KDM3B: variants seen among roughly 807,000 people sequenced by gnomAD.
KDM3B encodes the protein lysine-specific demethylase 3B.
KDM3B carries 10 observed loss-of-function variants against 170.0 expected under a neutral mutation model. The observed-to-expected ratio is 0.06, with a 90% CI of 0.04 to 0.10. The LOEUF (loss-of-function observed/expected upper bound fraction) is 0.10. Ranked by LOEUF, KDM3B falls within the 10% of genes least tolerant of loss-of-function variation. The pLI is 1.00. For missense variants in KDM3B, 1,394 were observed against 2,195.2 expected (o/e 0.64, Z 7.29); for synonymous variants, 831 against 834.8 (o/e 1.00, Z 0.08).
intron 17 of KDM3B, 107 bp from the exon 18 acceptor site, chr5:138,426,862 CAAAAAA>C (rs60899302): frequency 1.5e-4 from 81 of 553,286 alleles, no homozygotes; most frequent in East Asian, 2.4e-4. Flanking sequence ...GACTCTGTCT[CAAAAAA>C]AAAAAAAAAA....
At chr5:138,421,787 T>C (rs543277209) in intron 15 of KDM3B, among the ~76,000 whole-genome samples, 1 of 152,332 alleles carries the variant, frequency 6.6e-6, no homozygotes, top group East Asian at 1.9e-4. Flanking sequence ...GGGCTTCCTT[T>C]TTCTCTCGTA....
Position 138,428,558 on chromosome 5 carries a change from A to G in KDM3B, c.4753+472A>G, listed in dbSNP as rs149558614. 4.0e-3 allele frequency among the ~76,000 whole-genome samples: 601 copies of G among 152,084 alleles called. 2 individuals are homozygous for G. Among genetic ancestry groups the G allele is most frequent in the African/African-American group, 0.014 (581 of 41,490 alleles). On this transcript the variant is annotated intron_variant, in intron 20 of 23. Transcript: ENST00000314358. ...CTGGTGGCTTTTTCTTGTTTCTTCCAGGTCTGATGGGAAGTGGGTGCCCAG... is the reference window on the plus strand; with the variant it reads ...CTGGTGGCTTTTTCTTGTTTCTTCCGGGTCTGATGGGAAGTGGGTGCCCAG...
intron 15 of KDM3B, among the ~76,000 whole-genome samples, chr5:138,421,537 T>C (rs764061385): frequency 5.3e-5 from 8 of 152,234 alleles, no homozygotes; most frequent in Non-Finnish European, 8.8e-5. Flanking sequence ...GCTCTGTTGC[T>C]TCCTCTGTTC....
At chr5:138,405,455 A>G (rs1030013304) in intron 11 of KDM3B, among the ~76,000 whole-genome samples, 2 of 152,130 alleles carry the variant, frequency 1.3e-5, no homozygotes, top group African/African-American at 4.8e-5. Flanking sequence ...GCAGGGAGCC[A>G]TCATCACTTC....
chr5:138,362,563 C>CAG (rs1176652130), intron 1 of KDM3B, among the ~76,000 whole-genome samples: 1 of 123,542 alleles, frequency 8.1e-6, no homozygotes, highest in African/African-American at 2.7e-5. Flanking sequence ...CACACACACA[C>CAG]ACACACACAC....
chr5:138,405,692 G>A (rs1403536725), intron 11 of KDM3B, among the ~76,000 whole-genome samples: 4 of 152,116 alleles, frequency 2.6e-5, no homozygotes, highest in East Asian at 3.8e-4. Context: ...GTATATATGA[G>A]TAAATATAAA....
At chr5:138,395,436 T>A (rs1762523002) in intron 9 of KDM3B, among the ~76,000 whole-genome samples, 1 of 152,098 alleles carries the variant, frequency 6.6e-6, no homozygotes. Flanking sequence ...CTAAAGAAAG[T>A]ATTTCCAGGA....
At chr5:138,376,747 C>T (rs967617547) in intron 3 of KDM3B, among the ~76,000 whole-genome samples, 2 of 151,408 alleles carry the variant, frequency 1.3e-5, no homozygotes, top group Non-Finnish European at 2.9e-5. Flanking sequence ...GTGGCTTCTC[C>T]GAGGTGGCTG....
chr5:138,353,049 CG>C (rs1442065904), intron 1 of KDM3B, 62 bp downstream of exon 1: 11 of 337,526 alleles, frequency 3.3e-5, no homozygotes, highest in Non-Finnish European at 3.5e-5. Flanking sequence ...GCGGCCTCCC[CG>C]GGGGCCTTTG....
At chr5:138,390,659 C>G (rs1466486066) in intron 7 of KDM3B, among the ~76,000 whole-genome samples, 3 of 152,050 alleles carry the variant, frequency 2.0e-5, no homozygotes, top group Non-Finnish European at 4.4e-5. Flanking sequence ...ATTCAGGAAC[C>G]CTTTTCTCCA....
chr5:138,394,981 A>G (rs2126955445), intron 9 of KDM3B, among the ~76,000 whole-genome samples: 1 of 152,286 alleles, frequency 6.6e-6, no homozygotes, highest in African/African-American at 2.4e-5. Context: ...GAAAGGACTT[A>G]AGGATGATTC....
At chr5:138,402,167 TC>T (rs1762710218) in intron 11 of KDM3B, among the ~76,000 whole-genome samples, 1 of 152,152 alleles carries the variant, frequency 6.6e-6, no homozygotes, top group Admixed American at 6.5e-5. Flanking sequence ...CAAGTGATCC[TC>T]CTGCCTTGGC....
chr5:138,388,524 C>T (rs1303045044), intron 7 of KDM3B, among the ~76,000 whole-genome samples: 7 of 151,686 alleles, frequency 4.6e-5, no homozygotes, highest in Non-Finnish European at 7.4e-5. Flanking sequence ...CTCAGCTACT[C>T]GGGAGGCTGA....
intron 9 of KDM3B, 28 bp downstream of exon 9, chr5:138,393,400 G>A (rs1340539101): frequency 6.3e-7 from 1 of 1,580,500 alleles, no homozygotes; most frequent in Non-Finnish European, 8.7e-7. Context: ...TTCCTCCTTT[G>A]CTAGTTTTCA....
chr5:138,432,571 A>G (rs1277307775), intron 23 of KDM3B, among the ~76,000 whole-genome samples: 6 of 151,782 alleles, frequency 4.0e-5, no homozygotes, highest in Admixed American at 1.3e-4. Flanking sequence ...TGAGAGGCTG[A>G]GGCAGGAGAA....
chr5:138,383,417 GC>G (rs1561767762), intron 6 of KDM3B, among the ~76,000 whole-genome samples: 1 of 151,872 alleles, frequency 6.6e-6, no homozygotes, highest in Non-Finnish European at 1.5e-5. Flanking sequence ...GTTTACAGGC[GC>G]GAACGAACCA....
rs567008171 is a variant in KDM3B at position 138,411,127 on chromosome 5, CT to C, written c.3200-4001del. On this transcript the variant is annotated intron_variant, in intron 11 of 23. Transcript: ENST00000314358. ...AAGTAGCGGGTGTTGTTCCTTGACA[CT>C]TTTCGCTACTGCTAGACCACGGTCC... Among the ~76,000 whole-genome samples, 5 of 152,306 alleles carry C rather than the reference CT, an allele frequency of 3.3e-5. No homozygotes were observed. The East Asian group carries it at 9.6e-4, about 29-fold the overall frequency.
Position 138,352,995 on chromosome 5 carries a change from G to T in KDM3B, c.192+8G>T. The T allele has an allele frequency of 8.2e-7, 1 of 1,223,882 alleles. No homozygotes were observed. The highest frequency in any genetic ancestry group is 3.3e-5 in the East Asian group (1 of 30,574). 75.8% of individuals were successfully genotyped at this position (1,223,882 alleles called of 1,614,324 possible). ...GTGCCCCAGGACCTAGCGGTGAGTGGCGGCCGAGTCGGGCACTCGAGGCCG... is the reference window on the plus strand; with the variant it reads ...GTGCCCCAGGACCTAGCGGTGAGTGTCGGCCGAGTCGGGCACTCGAGGCCG... On this transcript the variant is annotated splice_region_variant and intron_variant, in intron 1 of 23. Coordinates refer to ENST00000314358, the MANE Select transcript of KDM3B (RefSeq NM_016604.4).
At chr5:138,408,408 G>T (rs1020230766) in intron 11 of KDM3B, among the ~76,000 whole-genome samples, 1 of 125,488 alleles carries the variant, frequency 8.0e-6, no homozygotes, top group African/African-American at 3.0e-5. Flanking sequence ...AAAAAAGAAA[G>T]AAATTGAATT....
Sources: gnomAD v4.1 joint callset for allele counts (sites outside exome capture counted in the v4.1 genomes callset) on GRCh38, gnomAD v4.1.1 for gene constraint, MANE v1.5 for transcripts, NCBI Gene and HGNC (gene_info 2026-07-23, HGNC 2026-07-21) for gene names.